BTC: variants seen among roughly 807,000 people sequenced by gnomAD.
BTC encodes the protein probetacellulin.
In BTC, 13 loss-of-function variants were observed where a neutral mutation model predicts 18.1. That is an observed-to-expected ratio of 0.72 (90% CI 0.47 to 1.14). BTC has a LOEUF of 1.14. Ranked by LOEUF, BTC falls within the 50% of genes most tolerant of loss-of-function variation. The pLI, the probability that BTC is intolerant of heterozygous loss-of-function variation, is 0.00. For synonymous variants in BTC, 83 were observed against 79.4 expected, an observed-to-expected ratio of 1.05 and a Z score of -0.24; for missense variants, 247 against 224.2, an observed-to-expected ratio of 1.10 and a Z score of -0.65.
At chr4:74,792,158 C>T (rs773866290) in intron 1 of BTC, among the ~76,000 whole-genome samples, 14 of 152,192 alleles carry the variant, frequency 9.2e-5, no homozygotes, top group Non-Finnish European at 1.9e-4. Context: ...CAACAAATTA[C>T]GTTCCTTAGC....
At chr4:74,776,197 G>A (rs146639512) in intron 1 of BTC, among the ~76,000 whole-genome samples, 54 of 151,244 alleles carry the variant, frequency 3.6e-4, no homozygotes, top group African/African-American at 1.3e-3. Context: ...TAAGAAAATA[G>A]TTTTTACACT....
intron 2 of BTC, among the ~76,000 whole-genome samples, chr4:74,765,150 A>G (rs1724867623): frequency 6.6e-6 from 1 of 151,012 alleles, no homozygotes; most frequent in African/African-American, 2.5e-5. Flanking sequence ...TCCTAAAGAA[A>G]GAAAAAAAAA....
chr4:74,780,521 G>A (rs1307277935), intron 1 of BTC, among the ~76,000 whole-genome samples: 2 of 152,168 alleles, frequency 1.3e-5, no homozygotes, highest in African/African-American at 2.4e-5. Flanking sequence ...TTTCCTCACA[G>A]AAGTCTTCTA....
In BTC at chr4:74,772,251, G is replaced by GA. The variant is rs1421368913; in HGVS notation, c.65-2096dup. Among the ~76,000 whole-genome samples the GA allele has an allele frequency of 1.1e-4, 16 of 152,164 alleles. No homozygotes were observed. The East Asian group carries it at 2.7e-3, about 26-fold the overall frequency. On this transcript the variant is annotated intron_variant, in intron 1 of 5. Transcript: ENST00000395743. ...AAGCACATTTTATCTGTTGCAACAA[G>GA]AAAAAAGGAGTGACTCATGTATTTC... is the stretch of plus-strand genomic sequence containing the variant.
intron 1 of BTC, among the ~76,000 whole-genome samples, chr4:74,783,406 T>G (rs554837491): frequency 9.9e-5 from 15 of 152,040 alleles, no homozygotes; most frequent in Non-Finnish European, 1.5e-4. Flanking sequence ...GATCAGATGG[T>G]TGTATCTGTG....
chr4:74,775,199 G>T (rs28473160), intron 1 of BTC, among the ~76,000 whole-genome samples: 2 of 151,990 alleles, frequency 1.3e-5, no homozygotes, highest in East Asian at 3.9e-4. Flanking sequence ...CCAAGCTGCA[G>T]GTTCTATTTT....
At chr4:74,768,215 A>G (rs946365377) in intron 2 of BTC, among the ~76,000 whole-genome samples, 1 of 152,152 alleles carries the variant, frequency 6.6e-6, no homozygotes, top group African/African-American at 2.4e-5. Flanking sequence ...GATTACACAT[A>G]TCCAAAATAC....
chr4:74,757,607 CAT>C (rs1254699809), intron 2 of BTC, among the ~76,000 whole-genome samples: 1 of 152,104 alleles, frequency 6.6e-6, no homozygotes, highest in Non-Finnish European at 1.5e-5. Context: ...CACTAGAAAA[CAT>C]CGAAGAAATA....
At chr4:74,748,333 G>C (rs1553955711) in intron 4 of BTC, among the ~76,000 whole-genome samples, 184 bp from the exon 5 acceptor site, 2 of 152,098 alleles carry the variant, frequency 1.3e-5, no homozygotes. Context: ...TGGATCACAA[G>C]GTCAGGAGAT....
intron 2 of BTC, among the ~76,000 whole-genome samples, chr4:74,763,302 A>C (rs1391702182): frequency 6.6e-6 from 1 of 152,176 alleles, no homozygotes; most frequent in African/African-American, 2.4e-5. Context: ...TTACCAAAAT[A>C]ATTTACAAAT....
At chr4:74,772,963 G>A (rs991796723) in intron 1 of BTC, among the ~76,000 whole-genome samples, 2 of 152,188 alleles carry the variant, frequency 1.3e-5, no homozygotes, top group African/African-American at 4.8e-5. Flanking sequence ...TGTTTCACAT[G>A]CTGGTGTCAG....
chr4:74,748,048 A>G lies in BTC; in HGVS notation c.530T>C (p.Ile177Thr). 6.3e-7 allele frequency: 1 copy of G among 1,579,642 alleles called. No individual in the cohort carries two copies. The highest frequency in any genetic ancestry group is 8.7e-7 in the Non-Finnish European group (1 of 1,153,462). ...PINEDIEETN[I>T]A Reference sequence around the variant, plus strand: ...AAGTTTATCTCACTTACTTTAAGCAATATTTGTCTCTTCAATATCTTCATT... The same window carrying G: ...AAGTTTATCTCACTTACTTTAAGCAGTATTTGTCTCTTCAATATCTTCATT... The change falls in exon 5 of 6, where the codon ATT becomes ACT. Residue 177 changes from isoleucine to threonine, a missense_variant. Coordinates refer to ENST00000395743, the MANE Select transcript of BTC (RefSeq NM_001729.4).
At chr4:74,792,007 A>AC (rs758511189) in intron 1 of BTC, among the ~76,000 whole-genome samples, 8,014 of 120,462 alleles carry the variant, frequency 0.067, 251 homozygotes, top group African/African-American at 0.12. Flanking sequence ...ACACACACAC[A>AC]AACACTAGTG....
At chr4:74,764,013 A>G (rs1045132240) in intron 2 of BTC, among the ~76,000 whole-genome samples, 1 of 151,738 alleles carries the variant, frequency 6.6e-6, no homozygotes, top group African/African-American at 2.4e-5. Context: ...ATAATAATAA[A>G]TTTTAAAGAA....
intron 1 of BTC, among the ~76,000 whole-genome samples, chr4:74,770,817 T>G (rs1320395434): frequency 6.6e-6 from 1 of 151,844 alleles, no homozygotes; most frequent in Non-Finnish European, 1.5e-5. Flanking sequence ...AATTTGACAC[T>G]GACTGGACAC....
chr4:74,748,298 C>T (rs1206321533), intron 4 of BTC, 149 bp from the exon 5 acceptor site: 1 of 469,150 alleles, frequency 2.1e-6, no homozygotes, highest in African/African-American at 2.0e-5. Flanking sequence ...CCTGTAATCC[C>T]AGCACTTTGG....
intron 2 of BTC, among the ~76,000 whole-genome samples, chr4:74,768,126 A>T (rs1026759040): frequency 5.3e-5 from 8 of 152,156 alleles, no homozygotes; most frequent in African/African-American, 1.9e-4. Context: ...GTGAAGAGAA[A>T]TGGAAACTCA....
At chr4:74,774,821 C>T (rs974051802) in intron 1 of BTC, among the ~76,000 whole-genome samples, 23 of 151,942 alleles carry the variant, frequency 1.5e-4, no homozygotes, top group Admixed American at 3.3e-4. Flanking sequence ...TGAGAAGCAA[C>T]ATAATCATCT....
chr4:74,772,437 C>A (rs1161569789), intron 1 of BTC, among the ~76,000 whole-genome samples: 4 of 152,006 alleles, frequency 2.6e-5, no homozygotes, highest in Non-Finnish European at 5.9e-5. Flanking sequence ...AATCCTGGTG[C>A]CTAATACAGA....
Sources: allele counts gnomAD v4.1 joint callset (sites outside exome capture counted in the v4.1 genomes callset), GRCh38; gene constraint gnomAD v4.1.1; transcripts MANE v1.5; gene names NCBI Gene and HGNC (gene_info 2026-07-23, HGNC 2026-07-21).